The following GMDS variants were observed in gnomAD, a reference collection of about 807,000 sequenced individuals.
The protein encoded by GMDS is GDP-mannose 4,6 dehydratase.
GMDS carries 20 observed loss-of-function variants against 49.9 expected under a neutral mutation model. The ratio of observed to expected loss-of-function variants is 0.40; its 90% CI spans 0.28 to 0.58. The LOEUF is 0.58. Among genes scored for constraint, GMDS ranks in the 20% least tolerant of loss-of-function variants. The pLI is 0.42. For missense variants in GMDS, 362 were observed against 481.4 expected (o/e 0.75, Z 2.32); for synonymous variants, 177 against 178.6 (o/e 0.99, Z 0.07).
intron 7 of GMDS, among the ~76,000 whole-genome samples, chr6:1,765,164 G>GATC (rs1768301213): frequency 6.6e-6 from 1 of 152,074 alleles, no homozygotes; most frequent in South Asian, 2.1e-4. Flanking sequence ...ATTTACAACA[G>GATC]ATCAGTTAAC....
At chr6:2,161,808 G>A (rs1777414079) in intron 1 of GMDS, among the ~76,000 whole-genome samples, 1 of 152,158 alleles carries the variant, frequency 6.6e-6, no homozygotes, top group South Asian at 2.1e-4. Context: ...TAAGGGTTTG[G>A]TTTCAAAGGA....
intron 1 of GMDS, among the ~76,000 whole-genome samples, chr6:2,202,281 G>A (rs1443963902): frequency 3.3e-5 from 5 of 150,490 alleles, no homozygotes; most frequent in Admixed American, 6.6e-5. Context: ...AACCATCTAG[G>A]CAGTGAGGGC....
At chr6:2,216,838 C>T (rs1780359419) in intron 1 of GMDS, among the ~76,000 whole-genome samples, 1 of 152,182 alleles carries the variant, frequency 6.6e-6, no homozygotes, top group South Asian at 2.1e-4. Context: ...TGGCTGCTTC[C>T]CACCCGCCTC....
chr6:1,959,371 G>T (rs1455320143), intron 6 of GMDS, among the ~76,000 whole-genome samples: 1 of 152,048 alleles, frequency 6.6e-6, no homozygotes, highest in African/African-American at 2.4e-5. Flanking sequence ...TTAAAAAACT[G>T]ATTTCAACTT....
intron 7 of GMDS, among the ~76,000 whole-genome samples, chr6:1,918,312 A>G (rs1761514883): frequency 6.6e-6 from 1 of 152,240 alleles, no homozygotes; most frequent in African/African-American, 2.4e-5. Context: ...GCTGATGTCA[A>G]TATCATCAAG....
intron 7 of GMDS, among the ~76,000 whole-genome samples, chr6:1,905,828 A>G (rs71550098): frequency 1.8e-3 from 167 of 93,380 alleles, no homozygotes; most frequent in Middle Eastern, 0.017. Context: ...CCTCAAAGGT[A>G]CCTGTGCATC....
At chr6:1,938,953 TCCTCCCCTCC>T (rs1028296518) in intron 6 of GMDS, among the ~76,000 whole-genome samples, 9 of 140,726 alleles carry the variant, frequency 6.4e-5, no homozygotes, top group East Asian at 4.5e-4. Flanking sequence ...CTCCCTTCTT[TCCTCCCCTCC>T]CCTCCCCTCC....
At chr6:1,891,983 C>T (rs1314395341) in intron 7 of GMDS, among the ~76,000 whole-genome samples, 1 of 152,150 alleles carries the variant, frequency 6.6e-6, no homozygotes, top group African/African-American at 2.4e-5. Flanking sequence ...TGTTAGGATC[C>T]ATGCTTAACT....
At chr6:2,174,944 G>A (rs1292671802) in intron 1 of GMDS, among the ~76,000 whole-genome samples, 1 of 152,152 alleles carries the variant, frequency 6.6e-6, no homozygotes, top group African/African-American at 2.4e-5. Flanking sequence ...CACCTGGGAA[G>A]GCAGAAGCCT....
At chr6:1,971,052 G>A (rs544325719) in intron 4 of GMDS, among the ~76,000 whole-genome samples, 1 of 152,166 alleles carries the variant, frequency 6.6e-6, no homozygotes, top group African/African-American at 2.4e-5. Flanking sequence ...ATTCTAAAGG[G>A]GGCAGTGATC....
At chr6:1,661,925 G>C (rs1036309835) in intron 9 of GMDS, among the ~76,000 whole-genome samples, 13 of 152,140 alleles carry the variant, frequency 8.5e-5, no homozygotes, top group African/African-American at 2.9e-4. Context: ...TATCATCTGA[G>C]GGTCATCAAA....
At chr6:1,917,454 G>A (rs191758890) in intron 7 of GMDS, among the ~76,000 whole-genome samples, 1 of 152,144 alleles carries the variant, frequency 6.6e-6, no homozygotes, top group African/African-American at 2.4e-5. Flanking sequence ...ATATGTGTTG[G>A]GAGAATCAAA....
At chr6:1,975,834 G>A (rs1355615594) in intron 4 of GMDS, among the ~76,000 whole-genome samples, 3 of 152,124 alleles carry the variant, frequency 2.0e-5, no homozygotes, top group Non-Finnish European at 4.4e-5. Flanking sequence ...CCAGGCTTTG[G>A]TTTGACACTA....
chr6:1,820,119 C>T (rs1236096543), intron 7 of GMDS, among the ~76,000 whole-genome samples: 1 of 151,832 alleles, frequency 6.6e-6, no homozygotes, highest in Non-Finnish European at 1.5e-5. Flanking sequence ...ATATTTCTGA[C>T]TTAGCATTAA....
chr6:1,641,381 A>G (rs774813135), intron 9 of GMDS, among the ~76,000 whole-genome samples: 5 of 152,246 alleles, frequency 3.3e-5, no homozygotes, highest in Non-Finnish European at 4.4e-5. Flanking sequence ...AGTGCCATGG[A>G]GCAGCACAGC....
At chr6:1,701,900 T>C (rs1765554903) in intron 9 of GMDS, among the ~76,000 whole-genome samples, 1 of 152,222 alleles carries the variant, frequency 6.6e-6, no homozygotes, top group Non-Finnish European at 1.5e-5. Flanking sequence ...CAAAGAGAAG[T>C]AGTTCTTCCA....
intron 9 of GMDS, among the ~76,000 whole-genome samples, chr6:1,703,880 A>T (rs1765627950): frequency 6.6e-6 from 1 of 152,272 alleles, no homozygotes; most frequent in Non-Finnish European, 1.5e-5. Flanking sequence ...TAAGACTTAG[A>T]GTAATCATAT....
At chr6:1,716,024 G>A (rs1049483752) in intron 9 of GMDS, among the ~76,000 whole-genome samples, 2 of 152,108 alleles carry the variant, frequency 1.3e-5, no homozygotes, top group Non-Finnish European at 2.9e-5. Flanking sequence ...GAAACAGCCT[G>A]AATTTAAAAT....
At chr6:1,857,273 C>G (rs950509678) in intron 7 of GMDS, among the ~76,000 whole-genome samples, 5 of 152,190 alleles carry the variant, frequency 3.3e-5, no homozygotes, top group African/African-American at 9.7e-5. Context: ...CAAAAAATCA[C>G]CTGACAGTCC....
Sources: allele counts gnomAD v4.1 joint callset (sites outside exome capture counted in the v4.1 genomes callset), GRCh38; gene constraint gnomAD v4.1.1; transcripts MANE v1.5; gene names NCBI Gene and HGNC (gene_info 2026-07-23, HGNC 2026-07-21).